Variants in KLRF2 observed in about 807,000 individuals in gnomAD.
KLRF2 encodes killer cell lectin like receptor F2.
KLRF2 carries 28 observed loss-of-function variants against 25.3 expected under a neutral mutation model. That is an observed-to-expected ratio of 1.11 (90% CI 0.82 to 1.52). The LOEUF is 1.52. Among genes scored for constraint, KLRF2 ranks in the 40% most tolerant of loss-of-function variants. The probability of loss-of-function intolerance (pLI) is 0.00; values close to 1 mark genes in which losing one functional copy is unlikely to be tolerated. For missense variants in KLRF2, 265 were observed against 245.8 expected, an observed-to-expected ratio of 1.08 and a Z score of -0.52; for synonymous variants, 73 against 85.0, an observed-to-expected ratio of 0.86 and a Z score of 0.78.
chr12:9,885,245 A>ACTTTATTAT lies in KLRF2; in HGVS notation c.169+217_169+225dup, dbSNP rs1353924196. 3.3e-5 allele frequency among the ~76,000 whole-genome samples: 5 copies of ACTTTATTAT among 151,836 alleles called. 1 individual carries two copies. Among genetic ancestry groups the ACTTTATTAT allele is most frequent in the African/African-American group, 9.6e-5 (4 of 41,512 alleles). ...TATAAAGAACCCCCAATAGAGGTTGACTTTATTATCTTATAATTAAAAAAG... is the reference window on the plus strand; with the variant it reads ...TATAAAGAACCCCCAATAGAGGTTGACTTTATTATCTTTATTATCTTATAATTAAAAAAG... On this transcript the variant is annotated intron_variant, in intron 2 of 5. Transcript: ENST00000535540.
intron 5 of KLRF2, among the ~76,000 whole-genome samples, 196 bp downstream of exon 5, chr12:9,893,737 T>C (rs1460477403): frequency 6.6e-6 from 1 of 152,080 alleles, no homozygotes; most frequent in Non-Finnish European, 1.5e-5. Context: ...CTCTCTTCTT[T>C]AACATTCACT....
In KLRF2 at chr12:9,895,770, C is replaced by T; in HGVS notation, c.561C>T (p.Ser187=). 6.5e-7 allele frequency: 1 copy of T among 1,535,792 alleles called. No homozygotes were observed. The highest frequency in any genetic ancestry group is 8.7e-7 in the Non-Finnish European group (1 of 1,146,764). ...GNWVYSEDCS[S]TFKGICQRDA... is the part of the protein sequence containing the mutation. ...GGGTGTATTCTGAAGACTGTAGCTC[C>T]ACATTTAAGGGCATTTGCCAGAGAG... The change falls in exon 6 of 6, where the codon TCC becomes TCT. Residue 187 remains serine, a synonymous_variant. Coordinates refer to ENST00000535540, the MANE Select transcript of KLRF2 (RefSeq NM_001190765.1).
Position 9,885,011 on chromosome 12 carries a change from G to T in KLRF2, c.148G>T (p.Gly50Trp). The T allele has an allele frequency of 7.7e-7, 1 of 1,304,928 alleles. No homozygotes were observed. The highest frequency in any genetic ancestry group is 9.8e-7 in the Non-Finnish European group (1 of 1,017,214). 80.8% of individuals were successfully genotyped at this position (1,304,928 alleles called of 1,614,324 possible). The change falls in exon 2 of 6, where the codon GGG becomes TGG. Residue 50 changes from glycine (G) to tryptophan (W), a missense_variant. Gly to Trp is a radical substitution (Grantham distance 184). Transcript: ENST00000535540. The part of the protein sequence containing the change: ...CIVILIFIMT[G>W]IDLKFWHKKM... ...TGTGATCCTTATATTCATTATGACA[G>T]GGATTGACCTGAAGTTCTGGCGTGA...
rs1565523816 is a variant in KLRF2 at position 9,893,504 on chromosome 12, T to C, written c.442T>C (p.Trp148Arg). The change falls in exon 5 of 6, where the codon TGG (tryptophan) becomes CGG (arginine). Residue 148 changes from tryptophan to arginine, a missense_variant. By Grantham distance (101) the Trp-to-Arg change is moderately radical. Coordinates refer to ENST00000535540, the MANE Select transcript of KLRF2 (RefSeq NM_001190765.1). ...ATATGTTACATTCCAAGGGAACCTA[T>C]GGATGTGGATAGATGAACACTTTTT... is the stretch of plus-strand genomic sequence containing the variant. ...GLYVTFQGNL[W>R]MWIDEHFLVP... 1 of 1,520,092 alleles carries C rather than the reference T, an allele frequency of 6.6e-7. No homozygotes were observed. Among genetic ancestry groups the C allele is most frequent in the Non-Finnish European group, 8.8e-7 (1 of 1,133,672 alleles). The allele number at this position is 1,520,092 out of a possible 1,614,324, so 94.2% of individuals were successfully genotyped here. A position where few individuals can be genotyped will look rare whatever the true frequency, so the allele number is the denominator to read the frequency against.
intron 3 of KLRF2, 36 bp downstream of exon 3, chr12:9,888,816 G>A: frequency 7.5e-7 from 1 of 1,337,332 alleles, no homozygotes; most frequent in Non-Finnish European, 1.0e-6. Context: ...GCTACTCTTA[G>A]GGGTAAATTT....
chr12:9,885,819 C>G (rs917669586), intron 2 of KLRF2, among the ~76,000 whole-genome samples: 2 of 151,976 alleles, frequency 1.3e-5, no homozygotes, highest in African/African-American at 4.8e-5. Context: ...CTGAAAATGT[C>G]CACTTATTTA....
At chr12:9,888,480 ACT>A (rs886314605) in intron 2 of KLRF2, among the ~76,000 whole-genome samples, 3 of 151,402 alleles carry the variant, frequency 2.0e-5, no homozygotes, top group Admixed American at 6.6e-5. Context: ...ACAGAGTGAG[ACT>A]CTGTCTCAAA....
intron 3 of KLRF2, among the ~76,000 whole-genome samples, chr12:9,892,392 G>A (rs1170292976): frequency 2.6e-5 from 4 of 152,030 alleles, no homozygotes; most frequent in African/African-American, 7.3e-5. Flanking sequence ...CCAGATAGTG[G>A]AGGAAATTAA....
intron 5 of KLRF2, 117 bp from the exon 6 acceptor site, chr12:9,895,572 C>G: frequency 1.1e-6 from 1 of 908,556 alleles, no homozygotes; most frequent in Non-Finnish European, 1.6e-6. Flanking sequence ...ATTCTAAAAC[C>G]TCTGCAAAAC....
chr12:9,891,883 T>C (rs1455195113), intron 3 of KLRF2, among the ~76,000 whole-genome samples: 2 of 152,216 alleles, frequency 1.3e-5, no homozygotes, highest in Non-Finnish European at 2.9e-5. Context: ...TTTAGGGTCA[T>C]AGTTGACAGA....
At chr12:9,887,238 G>A (rs1862608936) in intron 2 of KLRF2, among the ~76,000 whole-genome samples, 1 of 152,032 alleles carries the variant, frequency 6.6e-6, no homozygotes, top group South Asian at 2.1e-4. Flanking sequence ...ACTAAGTTCG[G>A]AACAGAATAC....
chr12:9,892,375 A>G (rs1430161239), intron 3 of KLRF2, among the ~76,000 whole-genome samples: 1 of 152,138 alleles, frequency 6.6e-6, no homozygotes, highest in Non-Finnish European at 1.5e-5. Flanking sequence ...TGTCAAAGGA[A>G]TTAGAACCAG....
intron 5 of KLRF2, among the ~76,000 whole-genome samples, chr12:9,894,490 G>A (rs1394113283): frequency 1.3e-5 from 2 of 152,024 alleles, no homozygotes; most frequent in Non-Finnish European, 2.9e-5. Context: ...CCTGATACCT[G>A]CTTCTTTATC....
chr12:9,888,248 T>C (rs1015171417), intron 2 of KLRF2, among the ~76,000 whole-genome samples: 9 of 151,900 alleles, frequency 5.9e-5, no homozygotes, highest in African/African-American at 2.2e-4. Context: ...CTCAGCACTT[T>C]CGGAAGCCGA....
At chr12:9,883,798 G>C (rs115794985) in intron 1 of KLRF2, among the ~76,000 whole-genome samples, 3,227 of 152,188 alleles carry the variant, frequency 0.021, 117 homozygotes, top group African/African-American at 0.073. Flanking sequence ...ATATACTATA[G>C]ATCTAATCAA....
intron 2 of KLRF2, among the ~76,000 whole-genome samples, chr12:9,888,191 A>G (rs1338679173): frequency 2.0e-5 from 3 of 151,922 alleles, no homozygotes; most frequent in South Asian, 4.2e-4. Context: ...AAGATCTCAC[A>G]TAATATTTAG....
chr12:9,889,066 C>T (rs922340967), intron 3 of KLRF2, among the ~76,000 whole-genome samples: 7 of 152,292 alleles, frequency 4.6e-5, no homozygotes, highest in South Asian at 2.1e-4. Context: ...AAATATTTAT[C>T]GAGCATCCAC....
chr12:9,881,833 A>C (rs1344734702), intron 1 of KLRF2, among the ~76,000 whole-genome samples, 168 bp downstream of exon 1: 1 of 152,178 alleles, frequency 6.6e-6, no homozygotes, highest in Non-Finnish European at 1.5e-5. Flanking sequence ...TCAACAATAA[A>C]AAGTCTGCAT....
chr12:9,882,991 A>C (rs979118062), intron 1 of KLRF2, among the ~76,000 whole-genome samples: 1 of 152,208 alleles, frequency 6.6e-6, no homozygotes, highest in African/African-American at 2.4e-5. Flanking sequence ...CAGAGACTTA[A>C]AATCTGAGTA....
Sources: allele counts gnomAD v4.1 joint callset (sites outside exome capture counted in the v4.1 genomes callset), GRCh38; gene constraint gnomAD v4.1.1; transcripts MANE v1.5; gene names NCBI Gene and HGNC (gene_info 2026-07-23, HGNC 2026-07-21).